COA1: variants seen among roughly 807,000 people sequenced by gnomAD.
COA1 encodes cytochrome c oxidase assembly factor 1.
COA1 carries 13 observed loss-of-function variants against 16.0 expected under a neutral mutation model. The ratio of observed to expected loss-of-function variants is 0.81; its 90% CI spans 0.53 to 1.29. The LOEUF (loss-of-function observed/expected upper bound fraction) is 1.29. Ranked by LOEUF, COA1 falls within the 50% of genes most tolerant of loss-of-function variation. The pLI is 0.00. For missense variants in COA1, 179 were observed against 177.0 expected (o/e 1.01, Z -0.06); for synonymous variants, 65 against 65.7 (o/e 0.99, Z 0.05).
At chr7:43,625,047 C>T (rs932056503) in intron 6 of COA1, 17 of 392,648 alleles carry the variant, frequency 4.3e-5, no homozygotes, top group African/African-American at 8.3e-5. Flanking sequence ...TACAGTTACC[C>T]GTTTCAATGT....
At chr7:43,614,441 T>A (rs2083164402) in intron 6 of COA1, among the ~76,000 whole-genome samples, 1 of 152,228 alleles carries the variant, frequency 6.6e-6, no homozygotes. Context: ...TTAACTAAAT[T>A]GTAAATGCTG....
chr7:43,700,529 G>GATATATATAT lies in COA1; in HGVS notation c.-39+28890_-39+28899dup, dbSNP rs142644587. Among the ~76,000 whole-genome samples the GATATATATAT allele has an allele frequency of 1.1e-4, 15 of 142,650 alleles. 1 individual carries two copies. The highest frequency in any genetic ancestry group is 3.6e-4 in the African/African-American group (14 of 38,528). The allele number at this position is 142,650 out of a possible 152,430, so 93.6% of individuals were successfully genotyped here. Reference sequence around the variant, plus strand: ...ATCAGCTTTTATAAAAATGTAGGCAGATATATATATATATATATACATACA... The same window carrying GATATATATAT: ...ATCAGCTTTTATAAAAATGTAGGCAGATATATATATATATATATATATATATATACATACA... On this transcript the variant is annotated intron_variant, in intron 1 of 5. Transcript: ENST00000223336.
chr7:43,623,646 T>A (rs1181613526), intron 6 of COA1: 13 of 1,608,142 alleles, frequency 8.1e-6, no homozygotes, highest in Non-Finnish European at 1.1e-5. Context: ...GAAAAATTGA[T>A]CAAATTAGTT....
intron 1 of COA1, chr7:43,659,291 T>C (rs2092177606): frequency 2.6e-5 from 4 of 152,204 alleles, no homozygotes. Flanking sequence ...TAAACCTCCT[T>C]ACAAAAAACT....
chr7:43,696,090 T>G (rs2094518076), intron 1 of COA1, among the ~76,000 whole-genome samples: 1 of 152,232 alleles, frequency 6.6e-6, no homozygotes, highest in Non-Finnish European at 1.5e-5. Flanking sequence ...GAAGCCTGCC[T>G]TGGCTTCCCA....
In COA1 at chr7:43,648,620, A is replaced by T. The variant is rs767748673; in HGVS notation, c.-6T>A. On this transcript the variant is annotated 5_prime_UTR_variant, in exon 2 of 6. Coordinates refer to ENST00000223336, the MANE Select transcript of COA1 (RefSeq NM_018224.4). ...ATTACCTTTTGCCACATCATAGCAC[A>T]ACTCTCTTGAAAATCATCAAAGGCA... 6.2e-7 allele frequency: 1 copy of T among 1,612,794 alleles called. No homozygotes were observed. The highest frequency in any genetic ancestry group is 8.5e-7 in the Non-Finnish European group (1 of 1,179,616).
intron 1 of COA1, among the ~76,000 whole-genome samples, chr7:43,711,819 T>C (rs923511329): frequency 6.6e-6 from 1 of 152,202 alleles, no homozygotes; most frequent in Non-Finnish European, 1.5e-5. Context: ...ACAAATATAG[T>C]ACTATAATCT....
intron 1 of COA1, among the ~76,000 whole-genome samples, chr7:43,667,688 T>C (rs2092974837): frequency 6.6e-6 from 1 of 152,158 alleles, no homozygotes; most frequent in Admixed American, 6.5e-5. Flanking sequence ...AACACTGGAA[T>C]AGAGGAAGAA....
chr7:43,700,624 G>T (rs1006425039), intron 1 of COA1, among the ~76,000 whole-genome samples: 1 of 148,472 alleles, frequency 6.7e-6, no homozygotes, highest in African/African-American at 2.5e-5. Context: ...GTGTGTTAGA[G>T]TAAGGTACCT....
intron 1 of COA1, among the ~76,000 whole-genome samples, chr7:43,701,939 G>T (rs187577609): frequency 1.3e-5 from 2 of 151,900 alleles, no homozygotes; most frequent in Admixed American, 6.6e-5. Flanking sequence ...TTTTCTGCTT[G>T]TAAGTTTGCT....
At chr7:43,634,218 G>C (rs2085495816) in intron 6 of COA1, among the ~76,000 whole-genome samples, 1 of 151,988 alleles carries the variant, frequency 6.6e-6, no homozygotes, top group Non-Finnish European at 1.5e-5. Context: ...TTCTCATTCA[G>C]GTTGACATTT....
intron 1 of COA1, among the ~76,000 whole-genome samples, chr7:43,709,773 T>C (rs979536655): frequency 5.3e-5 from 8 of 152,222 alleles, no homozygotes; most frequent in African/African-American, 1.7e-4. Flanking sequence ...CCTTCTGCAC[T>C]GTCATATAAA....
intron 1 of COA1, among the ~76,000 whole-genome samples, chr7:43,722,268 T>C (rs553572455): frequency 1.3e-5 from 2 of 151,944 alleles, no homozygotes; most frequent in East Asian, 3.9e-4. Flanking sequence ...TTCTTTTGTA[T>C]TTTTAGTAGA....
At chr7:43,648,475 A>C (rs777153849) in intron 2 of COA1, 125 bp downstream of exon 2, 3 of 999,730 alleles carry the variant, frequency 3.0e-6, no homozygotes, top group African/African-American at 3.2e-5. Flanking sequence ...AAGTTAAAGC[A>C]CAAGTGAACC....
chr7:43,687,589 T>C (rs2094096421), intron 1 of COA1, among the ~76,000 whole-genome samples: 1 of 152,184 alleles, frequency 6.6e-6, no homozygotes, highest in African/African-American at 2.4e-5. Flanking sequence ...ATGGAATTAA[T>C]TTTCCCTACA....
chr7:43,626,844 G>T (rs192754509), intron 6 of COA1: 1 of 152,110 alleles, frequency 6.6e-6, no homozygotes, highest in Non-Finnish European at 1.5e-5. Context: ...AGTTTGCTGC[G>T]TATCTTTAGC....
intron 1 of COA1, among the ~76,000 whole-genome samples, chr7:43,699,783 G>A (rs2131332588): frequency 6.6e-6 from 1 of 152,254 alleles, no homozygotes; most frequent in Admixed American, 6.5e-5. Flanking sequence ...AGGCACTTGA[G>A]AAATATGTTG....
Position 43,729,409 on chromosome 7 carries a change from T to G in COA1, c.-39+20A>C, listed in dbSNP as rs2095695914. 6.6e-6 allele frequency: 1 copy of G among 152,336 alleles called. No homozygotes were observed. The highest frequency in any genetic ancestry group is 1.5e-5 in the Non-Finnish European group (1 of 68,118). 9.4% of individuals were successfully genotyped at this position (152,336 alleles called of 1,614,324 possible). On this transcript the variant is annotated intron_variant, in intron 1 of 5. Transcript: ENST00000223336. ...CTTGCTGGGGGGAAGACGGAGACTC[T>G]TATACCGCGGGAGACTAACCTGTGA...
intron 6 of COA1, among the ~76,000 whole-genome samples, chr7:43,621,420 T>C (rs1445657611): frequency 6.6e-6 from 1 of 152,226 alleles, no homozygotes; most frequent in Non-Finnish European, 1.5e-5. Context: ...GTCTGTGAGC[T>C]GAAAAATCAA....
Sources: gnomAD v4.1 joint callset for allele counts (sites outside exome capture counted in the v4.1 genomes callset) on GRCh38, gnomAD v4.1.1 for gene constraint, MANE v1.5 for transcripts, NCBI Gene and HGNC (gene_info 2026-07-23, HGNC 2026-07-21) for gene names.